LSAMP: variants seen among roughly 807,000 people sequenced by gnomAD.
The protein encoded by LSAMP is limbic system associated membrane protein.
A neutral mutation model predicts 38.6 loss-of-function variants in LSAMP; 7 were observed. That is an observed-to-expected ratio of 0.18 (90% CI 0.10 to 0.34). LSAMP has a LOEUF of 0.34. Among genes scored for constraint, LSAMP ranks in the 10% least tolerant of loss-of-function variants. The pLI is 1.00. For missense variants in LSAMP, 313 were observed against 420.0 expected, an observed-to-expected ratio of 0.75 and a Z score of 2.23; for synonymous variants, 154 against 166.8, an observed-to-expected ratio of 0.92 and a Z score of 0.59.
At chr3:116,441,342 T>A (rs2049432120) in intron 1 of LSAMP, among the ~76,000 whole-genome samples, 1 of 152,186 alleles carries the variant, frequency 6.6e-6, no homozygotes, top group Non-Finnish European at 1.5e-5. Flanking sequence ...TTGTTTTATA[T>A]CCAGATACGC....
intron 1 of LSAMP, among the ~76,000 whole-genome samples, chr3:116,154,581 C>A (rs1279650410): frequency 6.6e-6 from 1 of 152,136 alleles, no homozygotes; most frequent in African/African-American, 2.4e-5. Flanking sequence ...AACCTAAATT[C>A]TTTAGCCTCA....
At chr3:116,191,116 G>A (rs1202240677) in intron 1 of LSAMP, among the ~76,000 whole-genome samples, 7 of 152,192 alleles carry the variant, frequency 4.6e-5, no homozygotes, top group Non-Finnish European at 1.0e-4. Context: ...CCAGCTACTC[G>A]GGAGGCTGAG....
intron 3 of LSAMP, among the ~76,000 whole-genome samples, chr3:115,916,124 T>C (rs1425452102): frequency 1.3e-5 from 2 of 151,988 alleles, no homozygotes; most frequent in South Asian, 2.1e-4. Context: ...GATCATTCAA[T>C]AGAGAGATAA....
At chr3:115,931,788 T>G (rs954871079) in intron 3 of LSAMP, among the ~76,000 whole-genome samples, 81 of 152,222 alleles carry the variant, frequency 5.3e-4, no homozygotes, top group African/African-American at 1.9e-3. Context: ...ACTGTTACTT[T>G]TCTAAGTTTA....
At chr3:116,424,710 G>A (rs930658660) in intron 1 of LSAMP, among the ~76,000 whole-genome samples, 9 of 152,174 alleles carry the variant, frequency 5.9e-5, no homozygotes, top group South Asian at 4.1e-4. Context: ...TAAGTGAAAT[G>A]CAGTATTGAG....
chr3:116,287,180 T>G (rs142655183), intron 1 of LSAMP, among the ~76,000 whole-genome samples: 1 of 152,216 alleles, frequency 6.6e-6, no homozygotes, highest in Non-Finnish European at 1.5e-5. Context: ...TGTGTGTACA[T>G]GTATATGGAG....
chr3:116,412,985 C>T (rs2048999801), intron 1 of LSAMP, among the ~76,000 whole-genome samples: 1 of 152,046 alleles, frequency 6.6e-6, no homozygotes, highest in Non-Finnish European at 1.5e-5. Flanking sequence ...TTGGCTACCA[C>T]AGTGATTCTC....
intron 6 of LSAMP, among the ~76,000 whole-genome samples, chr3:115,817,084 T>C (rs1934054089): frequency 6.6e-6 from 1 of 152,236 alleles, no homozygotes; most frequent in African/African-American, 2.4e-5. Context: ...CTATTCCAAC[T>C]TAAAACCTTC....
intron 2 of LSAMP, among the ~76,000 whole-genome samples, chr3:116,030,163 A>G (rs1425681736): frequency 6.6e-6 from 1 of 152,074 alleles, no homozygotes; most frequent in Non-Finnish European, 1.5e-5. Context: ...TTAAATTGAA[A>G]TTTTTCTATA....
At chr3:116,195,478 C>T (rs1025736958) in intron 1 of LSAMP, among the ~76,000 whole-genome samples, 3 of 152,090 alleles carry the variant, frequency 2.0e-5, no homozygotes, top group African/African-American at 7.2e-5. Context: ...TACAATTCAA[C>T]TATCTCACCT....
rs552377068 is a variant in LSAMP, at chr3:116,060,551, G to A, written c.388+25773C>T. On this transcript the variant is annotated intron_variant, in intron 2 of 6. Coordinates refer to ENST00000490035, the MANE Select transcript of LSAMP (RefSeq NM_002338.5). ...TGAGGCGGGTGGATCATCTGAGGTC[G>A]GGAGTTCGAGACCAGCCTGACCAAC... 5.3e-5 allele frequency among the ~76,000 whole-genome samples: 8 copies of A among 152,186 alleles called. No homozygotes were observed. The East Asian group carries it at 7.7e-4, about 15-fold the overall frequency.
At chr3:116,396,671 C>T (rs1194677769) in intron 1 of LSAMP, among the ~76,000 whole-genome samples, 1 of 152,156 alleles carries the variant, frequency 6.6e-6, no homozygotes, top group African/African-American at 2.4e-5. Context: ...TATCTTCATC[C>T]TGGATATCTC....
chr3:116,086,171 TAA>T, intron 2 of LSAMP, among the ~76,000 whole-genome samples, 151 bp downstream of exon 2: 1 of 152,356 alleles, frequency 6.6e-6, no homozygotes, highest in South Asian at 2.1e-4. Flanking sequence ...CCTCTCATTT[TAA>T]GTGTCTTTTT....
chr3:116,011,411 C>T (rs1940320929), intron 3 of LSAMP, among the ~76,000 whole-genome samples: 1 of 151,842 alleles, frequency 6.6e-6, no homozygotes, highest in African/African-American at 2.4e-5. Flanking sequence ...ATTGTGAAGG[C>T]CAAAAAGCAA....
chr3:115,865,328 T>A (rs1165177991), intron 3 of LSAMP, among the ~76,000 whole-genome samples: 1 of 152,208 alleles, frequency 6.6e-6, no homozygotes, highest in Non-Finnish European at 1.5e-5. Flanking sequence ...TTTCTATGCA[T>A]TTCATAAATT....
At position 115,849,938 on chromosome 3, in the gene LSAMP, T is replaced by C. The variant is rs1196108159; in HGVS notation, c.649+2545A>G. 2.0e-5 allele frequency among the ~76,000 whole-genome samples: 3 copies of C among 152,192 alleles called. No homozygotes were observed. The East Asian group carries it at 5.8e-4, about 29-fold the overall frequency. ...TGAGGGCAGAGTTTATCTGTGAATT[T>C]TTCACCTACTTATTCAATACACATT... is the stretch of plus-strand genomic sequence containing the variant. On this transcript the variant is annotated intron_variant, in intron 4 of 6. Coordinates refer to ENST00000490035, the MANE Select transcript of LSAMP (RefSeq NM_002338.5).
intron 1 of LSAMP, among the ~76,000 whole-genome samples, chr3:116,214,490 A>G (rs1327380263): frequency 6.6e-6 from 1 of 150,538 alleles, no homozygotes; most frequent in Non-Finnish European, 1.5e-5. Flanking sequence ...ATAAAGAGTA[A>G]AAATGGGTCT....
chr3:116,167,177 T>C (rs956669012), intron 1 of LSAMP, among the ~76,000 whole-genome samples: 2 of 152,148 alleles, frequency 1.3e-5, no homozygotes, highest in African/African-American at 4.8e-5. Flanking sequence ...AGTGGTGAGA[T>C]GTCAGTGCAC....
chr3:116,129,787 C>G (rs769324137), intron 1 of LSAMP, among the ~76,000 whole-genome samples: 1 of 152,204 alleles, frequency 6.6e-6, no homozygotes, highest in South Asian at 2.1e-4. Flanking sequence ...GCTCCTGGTT[C>G]TGCCCGAATG....
Sources: allele counts gnomAD v4.1 joint callset (sites outside exome capture counted in the v4.1 genomes callset), GRCh38; gene constraint gnomAD v4.1.1; transcripts MANE v1.5; gene names NCBI Gene and HGNC (gene_info 2026-07-23, HGNC 2026-07-21).